Variants in KLHL1 observed in about 807,000 individuals in gnomAD.
KLHL1 encodes kelch-like protein 1.
KLHL1 carries 47 observed loss-of-function variants against 77.7 expected under a neutral mutation model. That is an observed-to-expected ratio of 0.60 (90% confidence interval 0.48 to 0.77). The LOEUF (loss-of-function observed/expected upper bound fraction) is 0.77, where lower values mean the gene tolerates loss of function less well. Ranked by LOEUF, KLHL1 falls within the 30% of genes least tolerant of loss-of-function variation. The pLI is 0.00. For missense variants in KLHL1, 925 were observed against 910.8 expected (o/e 1.02, Z -0.20); for synonymous variants, 360 against 325.2 (o/e 1.11, Z -1.15).
At chr13:70,052,884 TTA>T (rs1171790209) in intron 1 of KLHL1, among the ~76,000 whole-genome samples, 4 of 152,026 alleles carry the variant, frequency 2.6e-5, no homozygotes, top group African/African-American at 9.7e-5. Flanking sequence ...AAATAATTTA[TTA>T]TTTTATTCCT....
intron 7 of KLHL1, among the ~76,000 whole-genome samples, chr13:69,786,148 C>T (rs1876532033): frequency 6.6e-6 from 1 of 152,188 alleles, no homozygotes; most frequent in African/African-American, 2.4e-5. Context: ...TCCTCCCTAA[C>T]TCATTGTATG....
At chr13:69,795,640 T>C (rs556942122) in intron 7 of KLHL1, among the ~76,000 whole-genome samples, 1 of 152,328 alleles carries the variant, frequency 6.6e-6, no homozygotes, top group Non-Finnish European at 1.5e-5. Context: ...TTAATTATTA[T>C]ATTTTTGTCT....
intron 5 of KLHL1, among the ~76,000 whole-genome samples, chr13:69,876,851 A>G (rs554118039): frequency 4.6e-5 from 7 of 152,172 alleles, no homozygotes; most frequent in Non-Finnish European, 8.8e-5. Context: ...TAGCCTGACC[A>G]GTGTGGCAAA....
Position 69,961,394 on chromosome 13 carries a change from T to A in KLHL1, c.731A>T (p.Asp244Val), listed in dbSNP as rs1292678804. ...CTCCTCTTGCTTGGCTTCACAAACA[T>A]CACTTGTAAACATGGCCGCAAAATA... ...SDYFAAMFTS[D>V]VCEAKQEEIK... The change falls in exon 3 of 11, where the codon GAT (aspartate) becomes GTT (valine). Residue 244 changes from aspartate to valine, a missense_variant. By Grantham distance (152) the Asp-to-Val change is radical. Transcript: ENST00000377844. 1 of 1,613,050 alleles carries A rather than the reference T, an allele frequency of 6.2e-7. No homozygotes were observed. Among genetic ancestry groups the A allele is most frequent in the Non-Finnish European group, 8.5e-7 (1 of 1,179,406 alleles).
At chr13:69,799,871 C>T (rs759197620) in intron 6 of KLHL1, among the ~76,000 whole-genome samples, 4 of 152,082 alleles carry the variant, frequency 2.6e-5, no homozygotes, top group Non-Finnish European at 4.4e-5. Context: ...AGCGGCACCC[C>T]GAGCTCCACC....
chr13:69,977,084 T>A (rs1884565992), intron 1 of KLHL1, among the ~76,000 whole-genome samples: 1 of 152,014 alleles, frequency 6.6e-6, no homozygotes, highest in Admixed American at 6.6e-5. Flanking sequence ...CAGCAAACAA[T>A]ATAGTTTATA....
intron 1 of KLHL1, among the ~76,000 whole-genome samples, chr13:70,097,120 G>T (rs1222351878): frequency 1.3e-5 from 2 of 151,922 alleles, no homozygotes; most frequent in Non-Finnish European, 2.9e-5. Context: ...TACATTATGG[G>T]ACTTTGAGAA....
intron 2 of KLHL1, among the ~76,000 whole-genome samples, chr13:69,974,901 T>C (rs146012761): frequency 1.2e-3 from 180 of 152,110 alleles, no homozygotes; most frequent in African/African-American, 4.1e-3. Flanking sequence ...AAATCAATAA[T>C]ATAAAAATGC....
At chr13:69,887,606 G>A (rs538122241) in intron 4 of KLHL1, among the ~76,000 whole-genome samples, 38 of 152,218 alleles carry the variant, frequency 2.5e-4, no homozygotes, top group South Asian at 4.1e-4. Context: ...TCCACAAAAC[G>A]CTGGGATGCA....
intron 6 of KLHL1, among the ~76,000 whole-genome samples, chr13:69,815,067 G>T (rs1878062110): frequency 6.6e-6 from 1 of 152,020 alleles, no homozygotes; most frequent in African/African-American, 2.4e-5. Context: ...ATATTGACAA[G>T]ATTATGAAGA....
chr13:69,885,176 G>A (rs9564628), intron 4 of KLHL1, among the ~76,000 whole-genome samples: 12,151 of 136,054 alleles, frequency 0.089, 678 homozygotes, highest in African/African-American at 0.16. Flanking sequence ...TCCTGACCTC[G>A]TGATCCACCC....
intron 4 of KLHL1, among the ~76,000 whole-genome samples, chr13:69,882,897 T>A (rs577096615): frequency 6.6e-6 from 1 of 152,302 alleles, no homozygotes; most frequent in Admixed American, 6.5e-5. Context: ...TAAAATTGCA[T>A]AGATAAAAGT....
intron 4 of KLHL1, among the ~76,000 whole-genome samples, chr13:69,930,286 G>C (rs796759946): frequency 2.6e-5 from 4 of 151,932 alleles, no homozygotes; most frequent in African/African-American, 9.6e-5. Flanking sequence ...TGGATTTCAA[G>C]TGAATTCATC....
intron 7 of KLHL1, among the ~76,000 whole-genome samples, chr13:69,745,004 C>T (rs1874146044): frequency 6.6e-6 from 1 of 151,736 alleles, no homozygotes; most frequent in Non-Finnish European, 1.5e-5. Flanking sequence ...AATATACTTA[C>T]ATTGAAATTG....
At chr13:69,854,865 T>C (rs1326344727) in intron 5 of KLHL1, among the ~76,000 whole-genome samples, 1 of 152,014 alleles carries the variant, frequency 6.6e-6, no homozygotes, top group Non-Finnish European at 1.5e-5. Flanking sequence ...CCAAGAAAAT[T>C]CTTAATTGTA....
chr13:69,856,172 C>A (rs1034081663), intron 5 of KLHL1, among the ~76,000 whole-genome samples: 4 of 151,638 alleles, frequency 2.6e-5, no homozygotes, highest in African/African-American at 9.7e-5. Context: ...AAGCAAAGGA[C>A]AGATTTGTTT....
intron 4 of KLHL1, among the ~76,000 whole-genome samples, chr13:69,922,640 G>A (rs1022235309): frequency 5.3e-5 from 8 of 152,066 alleles, no homozygotes; most frequent in African/African-American, 1.9e-4. Flanking sequence ...TTCAGCTCCT[G>A]TGTAGCTCAA....
At chr13:69,937,245 TATA>T (rs1327520528) in intron 4 of KLHL1, among the ~76,000 whole-genome samples, 2 of 152,184 alleles carry the variant, frequency 1.3e-5, no homozygotes, top group East Asian at 3.9e-4. Context: ...TATACTTTGA[TATA>T]ATATTTAATT....
intron 4 of KLHL1, among the ~76,000 whole-genome samples, chr13:69,908,837 T>C (rs1322853984): frequency 6.6e-6 from 1 of 151,216 alleles, no homozygotes; most frequent in Non-Finnish European, 1.5e-5. Flanking sequence ...TAGAGTTTAT[T>C]ATAGTATATG....
Sources: gnomAD v4.1 joint callset for allele counts (sites outside exome capture counted in the v4.1 genomes callset) on GRCh38, gnomAD v4.1.1 for gene constraint, MANE v1.5 for transcripts, NCBI Gene and HGNC (gene_info 2026-07-23, HGNC 2026-07-21) for gene names.